COL28A1: variants seen among roughly 807,000 people sequenced by gnomAD.
The protein encoded by COL28A1 is collagen alpha-1(XXVIII) chain.
COL28A1 carries 161 observed loss-of-function variants against 150.2 expected under a neutral mutation model. That is an observed-to-expected ratio of 1.07 (90% confidence interval 0.94 to 1.22). The LOEUF (loss-of-function observed/expected upper bound fraction) is 1.22, where lower values mean the gene tolerates loss of function less well. COL28A1 is among the 50% of genes most tolerant of loss of function. COL28A1 has a pLI of 0.00. For missense variants in COL28A1, 1,617 were observed against 1,388.3 expected, an observed-to-expected ratio of 1.16 and a Z score of -2.62; for synonymous variants, 552 against 469.7, an observed-to-expected ratio of 1.18 and a Z score of -2.26.
At chr7:7,484,197 A>G (rs1010453765) in intron 13 of COL28A1, among the ~76,000 whole-genome samples, 2 of 152,194 alleles carry the variant, frequency 1.3e-5, no homozygotes, top group African/African-American at 2.4e-5. Flanking sequence ...AAAAAATTGC[A>G]AAAGCAGCCT....
chr7:7,521,008 C>T (rs1048111937), intron 5 of COL28A1, among the ~76,000 whole-genome samples: 7 of 152,022 alleles, frequency 4.6e-5, no homozygotes, highest in African/African-American at 1.7e-4. Context: ...GGCTTTGGAC[C>T]CGAGTCTCAA....
At chr7:7,359,248 C>T (rs1385374937) in intron 34 of COL28A1, among the ~76,000 whole-genome samples, 2 of 151,234 alleles carry the variant, frequency 1.3e-5, no homozygotes, top group South Asian at 2.1e-4. Flanking sequence ...CCACTATGAT[C>T]ACATGCAATT....
chr7:7,382,708 C>G (rs1292462376), intron 27 of COL28A1, among the ~76,000 whole-genome samples: 8 of 152,114 alleles, frequency 5.3e-5, no homozygotes. Flanking sequence ...CTGTGGTTTT[C>G]AAAACTATCC....
downstream of COL28A1, chr7:7,356,706 G>A (rs1323883591): frequency 6.7e-6 from 1 of 149,140 alleles, no homozygotes; most frequent in Non-Finnish European, 1.5e-5. Flanking sequence ...GGTGGCGGGG[G>A]AGTGGGGAGG....
upstream of COL28A1, among the ~76,000 whole-genome samples, chr7:7,537,157 G>C (rs950132397): frequency 2.2e-4 from 33 of 152,260 alleles, no homozygotes; most frequent in African/African-American, 7.9e-4. Flanking sequence ...CCAGTTCAGG[G>C]TCACGGTTGA....
chr7:7,499,422 T>G (rs1780399440), intron 11 of COL28A1, among the ~76,000 whole-genome samples: 1 of 152,194 alleles, frequency 6.6e-6, no homozygotes, highest in Non-Finnish European at 1.5e-5. Context: ...ACCCTACACT[T>G]AAAATAGTTT....
At chr7:7,528,440 T>C (rs1782152087) in intron 3 of COL28A1, among the ~76,000 whole-genome samples, 2 of 152,218 alleles carry the variant, frequency 1.3e-5, no homozygotes, top group African/African-American at 4.8e-5. Context: ...GGTTCTTACA[T>C]GATAATTCCT....
At chr7:7,366,979 C>T (rs549042865) in intron 33 of COL28A1, among the ~76,000 whole-genome samples, 6 of 152,178 alleles carry the variant, frequency 3.9e-5, no homozygotes, top group African/African-American at 1.2e-4. Context: ...TGTGTGTGCG[C>T]GCGTGCATGT....
chr7:7,502,761 G>A (rs1377235896), intron 11 of COL28A1, among the ~76,000 whole-genome samples: 1 of 43,256 alleles, frequency 2.3e-5, no homozygotes, highest in Non-Finnish European at 3.6e-5. Flanking sequence ...GCAGTGGCGC[G>A]ATCTCGGCTC....
the COL28A1 span, among the ~76,000 whole-genome samples, chr7:7,338,326 G>T: frequency 6.6e-6 from 1 of 152,048 alleles, no homozygotes; most frequent in African/African-American, 2.4e-5. Context: ...TAATCCATTA[G>T]CATGGAATAT....
At chr7:7,404,057 T>C (rs1783364717) in intron 27 of COL28A1, among the ~76,000 whole-genome samples, 1 of 152,198 alleles carries the variant, frequency 6.6e-6, no homozygotes, top group African/African-American at 2.4e-5. Flanking sequence ...CACAGTCATT[T>C]TTTTTTAATT....
intron 27 of COL28A1, among the ~76,000 whole-genome samples, chr7:7,417,400 A>C (rs920980430): frequency 2.0e-5 from 3 of 150,700 alleles, no homozygotes; most frequent in Non-Finnish European, 4.4e-5. Flanking sequence ...AAAGGGCATT[A>C]GTACTATCCA....
intron 25 of COL28A1, among the ~76,000 whole-genome samples, chr7:7,424,768 C>T (rs1371524943): frequency 1.3e-5 from 2 of 152,006 alleles, no homozygotes; most frequent in African/African-American, 4.8e-5. Context: ...TCCTCTTGGC[C>T]CGCCAAAGGG....
intron 11 of COL28A1, among the ~76,000 whole-genome samples, chr7:7,499,196 C>A (rs1161065570): frequency 6.6e-6 from 1 of 152,116 alleles, no homozygotes; most frequent in African/African-American, 2.4e-5. Context: ...ACAGAAATAG[C>A]ATTCAGACTT....
chr7:7,371,815 G>A (rs1781233582), intron 32 of COL28A1, among the ~76,000 whole-genome samples: 1 of 152,128 alleles, frequency 6.6e-6, no homozygotes, highest in Non-Finnish European at 1.5e-5. Context: ...AGCACTGGCT[G>A]TACAATAAAT....
At position 7,358,700 on chromosome 7, in the gene COL28A1, C is replaced by A; in HGVS notation, c.3311G>T (p.Gly1104Val). Residue 1104 changes from glycine to valine, a missense_variant, in exon 35 of 35, where the codon GGC (glycine) becomes GTC (valine). By Grantham distance (109) the Gly-to-Val change is moderately radical. Coordinates refer to ENST00000399429, the MANE Select transcript of COL28A1 (RefSeq NM_001037763.3). ...GAATCTATTTCCTGAGCCATTACAG[C>A]CACTGAACCAAAATCGGGCACAAGA... is the stretch of plus-strand genomic sequence containing the variant. Reference protein sequence around the residue: ...VNSCARFWFSGCNGSGNRFNS... With the variant: ...VNSCARFWFSVCNGSGNRFNS... 6.2e-7 allele frequency: 1 copy of A among 1,614,006 alleles called. No individual in the cohort carries two copies. Among genetic ancestry groups the A allele is most frequent in the Non-Finnish European group, 8.5e-7 (1 of 1,179,952 alleles).
At chr7:7,514,626 A>T (rs1281510596) in intron 8 of COL28A1, among the ~76,000 whole-genome samples, 1 of 152,214 alleles carries the variant, frequency 6.6e-6, no homozygotes, top group Non-Finnish European at 1.5e-5. Flanking sequence ...GAAAGTTATA[A>T]CTAAACTAAT....
intron 15 of COL28A1, among the ~76,000 whole-genome samples, chr7:7,471,288 CCAGA>C (rs564748793): frequency 5.1e-4 from 78 of 151,962 alleles, no homozygotes; most frequent in Non-Finnish European, 9.3e-4. Context: ...CAAAATTCTA[CCAGA>C]CATTCAAAGA....
At chr7:7,460,236 G>A (rs1196899601) in intron 15 of COL28A1, among the ~76,000 whole-genome samples, 3 of 152,158 alleles carry the variant, frequency 2.0e-5, no homozygotes, top group Admixed American at 2.0e-4. Flanking sequence ...AACTCTGGAT[G>A]GATTCCTGTT....
Sources: gnomAD v4.1 joint callset for allele counts (sites outside exome capture counted in the v4.1 genomes callset) on GRCh38, gnomAD v4.1.1 for gene constraint, MANE v1.5 for transcripts, NCBI Gene and HGNC (gene_info 2026-07-23, HGNC 2026-07-21) for gene names.